The following HSH2D variants were observed in gnomAD, a reference collection of about 807,000 sequenced individuals.
HSH2D encodes hematopoietic SH2 domain containing.
Under a neutral mutation model 21.5 loss-of-function variants are expected in HSH2D, and 16 were observed. The observed-to-expected ratio is 0.74, with a 90% confidence interval of 0.50 to 1.13. HSH2D has a LOEUF of 1.13. Among genes scored for constraint, HSH2D ranks in the 50% most tolerant of loss-of-function variants. The probability of loss-of-function intolerance (pLI) is 0.00; values close to 1 mark genes in which losing one functional copy is unlikely to be tolerated. For synonymous variants in HSH2D, 172 were observed against 184.7 expected, an observed-to-expected ratio of 0.93 and a Z score of 0.56; for missense variants, 418 against 441.4, an observed-to-expected ratio of 0.95 and a Z score of 0.47.
chr19:16,141,265 T>C (rs2145014797), upstream of HSH2D, among the ~76,000 whole-genome samples: 1 of 152,312 alleles, frequency 6.6e-6, no homozygotes, highest in Admixed American at 6.5e-5. Context: ...GACGAGGTGC[T>C]GCTGTTGCCG....
intron 5 of HSH2D, among the ~76,000 whole-genome samples, chr19:16,156,326 G>A (rs1448907799): frequency 2.6e-5 from 4 of 151,852 alleles, no homozygotes; most frequent in Non-Finnish European, 5.9e-5. Context: ...CTCCAGCCTG[G>A]GTGACAAAGC....
At position 16,157,881 on chromosome 19, in the gene HSH2D, C is replaced by T; in HGVS notation, c.*87C>T. On this transcript the variant is annotated 3_prime_UTR_variant, in exon 6 of 6. Transcript: ENST00000613986. This position sits in a 1 kb window ranked among gnomAD's most constrained non-coding sequence, Gnocchi z 4.4. ...TAACATTTCTTCCATGGCCCCACAC[C>T]ATGGCATCCGGGGGTCTTCGGGAAC... 2.0e-6 allele frequency: 2 copies of T among 1,015,390 alleles called. No individual in the cohort carries two copies. Among genetic ancestry groups the T allele is most frequent in the Non-Finnish European group, 2.8e-6 (2 of 712,024 alleles). 62.9% of individuals were successfully genotyped at this position (1,015,390 alleles called of 1,614,324 possible).
rs1349052976 is a variant in HSH2D, at chr19:16,138,158, G to A, written c.-323-3783G>A. Among the ~76,000 whole-genome samples, 5 of 152,134 alleles carry A rather than the reference G, an allele frequency of 3.3e-5. No individual in the cohort carries two copies. The South Asian group carries it at 6.2e-4, about 19-fold the overall frequency. ...GCTAGAATTACAGGTGTGAGCCACC[G>A]TGTCCAGCCAGTTCTGGACATTTCA... On this transcript the variant is annotated intron_variant, in intron 1 of 7. Coordinates refer to the HSH2D transcript ENST00000616645.
chr19:16,154,518 C>G, intron 5 of HSH2D, 27 bp downstream of exon 5: 1 of 1,462,974 alleles, frequency 6.8e-7, no homozygotes, highest in East Asian at 2.5e-5. Context: ...AGGCTGGCAC[C>G]TCCCACCTGG....
intron 1 of HSH2D, among the ~76,000 whole-genome samples, chr19:16,145,447 A>G (rs564956971): frequency 3.3e-5 from 5 of 152,214 alleles, no homozygotes; most frequent in African/African-American, 1.2e-4. Flanking sequence ...TCCCAGCCTC[A>G]GGCAATCCGC....
intron 2 of HSH2D, among the ~76,000 whole-genome samples, chr19:16,151,979 C>T (rs1297937544): frequency 2.7e-5 from 4 of 148,570 alleles, no homozygotes; most frequent in East Asian, 2.0e-4. Flanking sequence ...TGGTGGCGGG[C>T]GCCTGTAATC....
chr19:16,143,571 C>A, upstream of HSH2D: 1 of 293,672 alleles, frequency 3.4e-6, no homozygotes, highest in Non-Finnish European at 7.0e-6. Flanking sequence ...GCACCTGTGG[C>A]ACCAGATGCT....
At chr19:16,152,274 CG>C (rs1267325094) in intron 2 of HSH2D, among the ~76,000 whole-genome samples, 2 of 151,066 alleles carry the variant, frequency 1.3e-5, no homozygotes, top group East Asian at 3.9e-4. Flanking sequence ...AAAAATTAGC[CG>C]GGCGTGGTGG....
chr19:16,135,860 G>A (rs1323366947), intron 1 of HSH2D, among the ~76,000 whole-genome samples: 1 of 152,208 alleles, frequency 6.6e-6, no homozygotes, highest in East Asian at 1.9e-4. Flanking sequence ...AGGGACTTCT[G>A]TAGTGTGCTT....
At chr19:16,150,250 G>A (rs2145042925) in intron 2 of HSH2D, among the ~76,000 whole-genome samples, 1 of 151,906 alleles carries the variant, frequency 6.6e-6, no homozygotes, top group South Asian at 2.1e-4. Flanking sequence ...TCTCTAAAAG[G>A]AATTTTAGGC....
rs547259556 is a variant in HSH2D, at chr19:16,150,960, C to T, written c.126-1592C>T. ...GCCTCTGTATTGAACAGTGCAGGAC[C>T]AAAGTCTCCCCAGCTTGTCCCACAG... On this transcript the variant is annotated intron_variant, in intron 2 of 5. Transcript: ENST00000613986. Among the ~76,000 whole-genome samples the T allele has an allele frequency of 5.1e-4, 77 of 152,150 alleles. 2 individuals are homozygous for T. The highest frequency in any genetic ancestry group is 5.0e-4 in the Non-Finnish European group (34 of 68,024).
chr19:16,148,838 G>C lies in HSH2D; in HGVS notation c.88G>C (p.Gly30Arg). 1.9e-6 allele frequency: 3 copies of C among 1,613,686 alleles called. No homozygotes were observed. Among genetic ancestry groups the C allele is most frequent in the Non-Finnish European group, 2.5e-6 (3 of 1,179,796 alleles). ...CCAGATGGGCCAGCTGGCCCAAGACGGGGTCCCCGAGTGGTTCCATGGTGC... is the reference window on the plus strand; with the variant it reads ...CCAGATGGGCCAGCTGGCCCAAGACCGGGTCCCCGAGTGGTTCCATGGTGC... ...HTQMGQLAQDGVPEWFHGAIS... is the reference protein window; with the variant it reads ...HTQMGQLAQDRVPEWFHGAIS... Residue 30 changes from glycine to arginine, a missense_variant, in exon 2 of 6, where the codon GGG becomes CGG. By Grantham distance (125) the Gly-to-Arg change is moderately radical. Coordinates refer to ENST00000613986, the MANE Select transcript of HSH2D (RefSeq NM_001382417.1).
chr19:16,148,419 G>A (rs2145037668), intron 1 of HSH2D, among the ~76,000 whole-genome samples: 1 of 152,224 alleles, frequency 6.6e-6, no homozygotes, highest in East Asian at 1.9e-4. Context: ...AAAGTGCTGA[G>A]ATTACAGGCG....
rs565845516 is a variant in HSH2D at position 16,147,242 on chromosome 19, T to G, written c.-27-1482T>G. ...GCTCACACCTGTAATGCTAGCACTT[T>G]GGGAGGCTGACACAGGTGGATTTCT... is the stretch of plus-strand genomic sequence containing the variant. On this transcript the variant is annotated intron_variant, in intron 1 of 5. Transcript: ENST00000613986. 1.3e-4 allele frequency among the ~76,000 whole-genome samples: 20 copies of G among 152,018 alleles called. No homozygotes were observed. The East Asian group carries it at 2.9e-3, about 22-fold the overall frequency.
At chr19:16,142,813 T>C (rs1379013589), upstream of HSH2D, among the ~76,000 whole-genome samples, 1 of 150,468 alleles carries the variant, frequency 6.6e-6, no homozygotes. Context: ...CCCTCTGTCA[T>C]CCAGGCTAAA....
At chr19:16,154,121 G>T (rs1263546078) in intron 4 of HSH2D, among the ~76,000 whole-genome samples, 1 of 147,752 alleles carries the variant, frequency 6.8e-6, no homozygotes, top group African/African-American at 2.4e-5. Context: ...AACTGTTGTG[G>T]GCGGGGCATC....
rs527626203 is a variant in HSH2D at position 16,157,427 on chromosome 19, C to T, written c.692C>T (p.Ser231Leu). ...AGCCACCTCGCCACTGTGAACTTGTCGTCACTCTTGGATGTCCGGAGATCC... is the reference window on the plus strand; with the variant it reads ...AGCCACCTCGCCACTGTGAACTTGTTGTCACTCTTGGATGTCCGGAGATCC... ...LKSHLATVNL[S>L]SLLDVRRSTV... Residue 231 changes from serine (S) to leucine (L), a missense_variant, in exon 6 of 6, where the codon TCG (serine) becomes TTG (leucine). Coordinates refer to ENST00000613986, the MANE Select transcript of HSH2D (RefSeq NM_001382417.1). The surrounding 1 kb of genome is among the most constrained non-coding windows in gnomAD (Gnocchi z 4.4). 110 of 1,613,830 alleles carry T rather than the reference C, an allele frequency of 6.8e-5. No individual in the cohort carries two copies. Among genetic ancestry groups the T allele is most frequent in the Non-Finnish European group, 7.9e-5 (93 of 1,179,862 alleles).
chr19:16,154,090 G>A (rs529935979), intron 4 of HSH2D, among the ~76,000 whole-genome samples: 2 of 135,644 alleles, frequency 1.5e-5, no homozygotes, highest in African/African-American at 5.0e-5. Context: ...GGACTCAGTG[G>A]GCCTGACCTA....
chr19:16,157,622 C>G lies in HSH2D; in HGVS notation c.887C>G (p.Ser296Trp). 1 of 1,613,824 alleles carries G rather than the reference C, an allele frequency of 6.2e-7. No individual in the cohort carries two copies. Among genetic ancestry groups the G allele is most frequent in the Non-Finnish European group, 8.5e-7 (1 of 1,179,822 alleles). Residue 296 changes from serine to tryptophan, a missense_variant, in exon 6 of 6, where the codon TCG (serine) becomes TGG (tryptophan). Coordinates refer to ENST00000613986, the MANE Select transcript of HSH2D (RefSeq NM_001382417.1). The surrounding 1 kb of genome is among the most constrained non-coding windows in gnomAD (Gnocchi z 4.4). The stretch of plus-strand genomic sequence containing the variant: ...GTCCCCACCAGGAAGGCCGAGAGGT[C>G]GGTCAGCTGCATTGAGGTGACCCCA... ...RKVPTRKAER[S>W]VSCIEVTPGD...
Sources: allele counts gnomAD v4.1 joint callset (sites outside exome capture counted in the v4.1 genomes callset), GRCh38; gene constraint gnomAD v4.1.1; non-coding constraint Gnocchi (gnomAD v3.1); transcripts MANE v1.5; gene names NCBI Gene and HGNC (gene_info 2026-07-23, HGNC 2026-07-21).